Variants in VEPH1 observed in about 807,000 individuals in gnomAD.
The protein encoded by VEPH1 is ventricular zone-expressed PH domain-containing protein homolog 1.
Under a neutral mutation model 85.2 loss-of-function variants are expected in VEPH1, and 80 were observed. The ratio of observed to expected loss-of-function variants is 0.94; its 90% CI spans 0.78 to 1.13. The LOEUF (loss-of-function observed/expected upper bound fraction) is 1.13, where lower values mean the gene tolerates loss of function less well. VEPH1 is among the 50% of genes most tolerant of loss of function. VEPH1 has a pLI of 0.00. For missense variants in VEPH1, 955 were observed against 980.5 expected (o/e 0.97, Z 0.35); for synonymous variants, 297 against 348.0 (o/e 0.85, Z 1.63).
At chr3:157,378,039 C>T (rs975492285) in intron 7 of VEPH1, among the ~76,000 whole-genome samples, 1 of 152,002 alleles carries the variant, frequency 6.6e-6, no homozygotes, top group African/African-American at 2.4e-5. Flanking sequence ...CAAACTTTCA[C>T]TCATGGCACA....
chr3:157,437,754 C>G, intron 4 of VEPH1: 1 of 1,490,250 alleles, frequency 6.7e-7, no homozygotes, highest in Non-Finnish European at 8.8e-7. Context: ...TGCAGGCGAC[C>G]CGCGACGCGG....
intron 4 of VEPH1, among the ~76,000 whole-genome samples, chr3:157,454,885 C>T (rs145146954): frequency 0.012 from 1,866 of 152,216 alleles, 43 homozygotes; most frequent in African/African-American, 0.039. Flanking sequence ...GGATAATGGC[C>T]TCTAGCTGCA....
intron 9 of VEPH1, among the ~76,000 whole-genome samples, chr3:157,358,694 A>G (rs960950145): frequency 3.3e-5 from 5 of 152,162 alleles, no homozygotes; most frequent in Admixed American, 2.6e-4. Context: ...CATGAAAACA[A>G]TGCCCACTAA....
chr3:157,349,878 T>C (rs1216878611), intron 9 of VEPH1, among the ~76,000 whole-genome samples: 3 of 152,034 alleles, frequency 2.0e-5, no homozygotes, highest in African/African-American at 7.2e-5. Context: ...TTTAGGGGGA[T>C]ACAAACAAAT....
chr3:157,363,326 C>T (rs1726261977), intron 9 of VEPH1, 38 bp downstream of exon 9: 1 of 1,517,276 alleles, frequency 6.6e-7, no homozygotes, highest in African/African-American at 1.4e-5. Context: ...GCAGTGACTC[C>T]TGAAGTTTCT....
intron 10 of VEPH1, among the ~76,000 whole-genome samples, chr3:157,314,694 C>T (rs922414276): frequency 6.6e-6 from 1 of 151,934 alleles, no homozygotes; most frequent in Non-Finnish European, 1.5e-5. Context: ...CAAATATGAA[C>T]AGTATGAGTG....
chr3:157,417,205 G>T (rs1244438430), intron 5 of VEPH1, among the ~76,000 whole-genome samples: 2 of 152,162 alleles, frequency 1.3e-5, no homozygotes, highest in African/African-American at 2.4e-5. Flanking sequence ...TCTTGGATTA[G>T]AAGGAATTTT....
chr3:157,389,675 A>C (rs1039121781), intron 6 of VEPH1, among the ~76,000 whole-genome samples: 1 of 151,820 alleles, frequency 6.6e-6, no homozygotes, highest in Non-Finnish European at 1.5e-5. Flanking sequence ...AGATAGATAG[A>C]TAGATAGATA....
At chr3:157,354,682 A>G (rs1401232153) in intron 9 of VEPH1, among the ~76,000 whole-genome samples, 2 of 151,780 alleles carry the variant, frequency 1.3e-5, no homozygotes, top group Non-Finnish European at 2.9e-5. Flanking sequence ...TATTCTTTCT[A>G]TATATTTTTT....
intron 6 of VEPH1, among the ~76,000 whole-genome samples, chr3:157,412,730 C>T (rs949222990): frequency 2.0e-5 from 3 of 152,088 alleles, no homozygotes; most frequent in Admixed American, 1.3e-4. Flanking sequence ...GAAGATCCAT[C>T]CTCACATTGA....
At chr3:157,424,107 G>C (rs1002228163) in intron 5 of VEPH1, among the ~76,000 whole-genome samples, 3 of 152,172 alleles carry the variant, frequency 2.0e-5, no homozygotes, top group African/African-American at 7.2e-5. Context: ...CCTGGTGGGA[G>C]ATAATTTGAA....
At position 157,286,814 on chromosome 3, in the gene VEPH1, A is replaced by G. The variant is rs1279499942; in HGVS notation, c.2011-140T>C. Reference sequence around the variant, plus strand: ...AAAGACTAAGAGGCAGCATTGAAAAAATTTCTCTTGGCCAACCTTAAAAAA... The same window carrying G: ...AAAGACTAAGAGGCAGCATTGAAAAGATTTCTCTTGGCCAACCTTAAAAAA... On this transcript the variant is annotated intron_variant, in intron 11 of 13. Coordinates refer to ENST00000362010, the MANE Select transcript of VEPH1 (RefSeq NM_001167912.2). 3 of 687,332 alleles carry G rather than the reference A, an allele frequency of 4.4e-6. No individual in the cohort carries two copies. The African/African-American group carries it at 5.4e-5, about 12-fold the overall frequency. 42.6% of individuals were successfully genotyped at this position (687,332 alleles called of 1,614,324 possible). A position where few individuals can be genotyped will look rare whatever the true frequency, so the allele number is the denominator to read the frequency against.
chr3:157,397,635 C>G (rs182103133), intron 6 of VEPH1, among the ~76,000 whole-genome samples: 2 of 152,182 alleles, frequency 1.3e-5, no homozygotes, highest in Non-Finnish European at 2.9e-5. Flanking sequence ...AGGGCCTTCA[C>G]TTCCCTTGTT....
chr3:157,456,866 TG>T (rs1182375260), intron 4 of VEPH1, among the ~76,000 whole-genome samples: 1 of 152,204 alleles, frequency 6.6e-6, no homozygotes, highest in African/African-American at 2.4e-5. Context: ...GGCTCTTTTT[TG>T]GTTCCATATG....
At chr3:157,345,104 G>A (rs1724060038) in intron 9 of VEPH1, among the ~76,000 whole-genome samples, 1 of 152,116 alleles carries the variant, frequency 6.6e-6, no homozygotes, top group Non-Finnish European at 1.5e-5. Flanking sequence ...TACCATTCAG[G>A]ACATAGGCAG....
intron 11 of VEPH1, among the ~76,000 whole-genome samples, chr3:157,292,360 A>G (rs1275068497): frequency 2.0e-5 from 3 of 152,084 alleles, no homozygotes; most frequent in African/African-American, 7.2e-5. Context: ...GAATTTGTCA[A>G]TCTCCATGTG....
chr3:157,371,086 G>T (rs1222969448), intron 7 of VEPH1, among the ~76,000 whole-genome samples: 1 of 152,170 alleles, frequency 6.6e-6, no homozygotes, highest in African/African-American at 2.4e-5. Flanking sequence ...GACACTGAAA[G>T]AAGGAGGTTT....
At chr3:157,364,987 A>T (rs915725263) in intron 7 of VEPH1, among the ~76,000 whole-genome samples, 10 of 152,206 alleles carry the variant, frequency 6.6e-5, no homozygotes, top group African/African-American at 1.2e-4. Flanking sequence ...TTCCAAGGAG[A>T]AATATCTTTC....
At chr3:157,407,358 C>G (rs977855871) in intron 6 of VEPH1, among the ~76,000 whole-genome samples, 5 of 152,070 alleles carry the variant, frequency 3.3e-5, no homozygotes, top group Non-Finnish European at 7.4e-5. Context: ...TCCAGTGGCC[C>G]AAGAAAACAA....
Sources: allele counts gnomAD v4.1 joint callset (sites outside exome capture counted in the v4.1 genomes callset), GRCh38; gene constraint gnomAD v4.1.1; transcripts MANE v1.5; gene names NCBI Gene and HGNC (gene_info 2026-07-23, HGNC 2026-07-21).